Variants in EPS15 observed in about 807,000 individuals in gnomAD.
EPS15 encodes the protein epidermal growth factor receptor pathway substrate 15.
In EPS15, 72 loss-of-function variants were observed where a neutral mutation model predicts 113.8. The ratio of observed to expected loss-of-function variants is 0.63; its 90% CI spans 0.52 to 0.77. The LOEUF is 0.77. Ranked by LOEUF, EPS15 falls within the 30% of genes least tolerant of loss-of-function variation. EPS15 has a pLI of 0.00. For synonymous variants in EPS15, 344 were observed against 363.4 expected (o/e 0.95, Z 0.61); for missense variants, 1,048 against 1,045.8 (o/e 1.00, Z -0.03).
chr1:51,384,259 C>T (rs1351061543), intron 21 of EPS15, among the ~76,000 whole-genome samples: 1 of 151,352 alleles, frequency 6.6e-6, no homozygotes. Context: ...TCTCAAGGAA[C>T]CTGAATAGCC....
chr1:51,388,775 T>C (rs888309164), intron 21 of EPS15, among the ~76,000 whole-genome samples: 4 of 152,164 alleles, frequency 2.6e-5, no homozygotes, highest in Admixed American at 6.5e-5. Flanking sequence ...CAGGAAGAAG[T>C]TGACTCTCTG....
At position 51,406,114 on chromosome 1, in the gene EPS15, A is replaced by C. The variant is rs1159578251; in HGVS notation, c.1474-6T>G. The C allele has an allele frequency of 2.5e-6, 4 of 1,610,666 alleles. No homozygotes were observed. In the African/African-American group the frequency reaches 4.0e-5, roughly 16 times the overall value. ...TCCATCAGTTTCATTTGCATCTGCC[A>C]ACACAAAGAAGAAATATAGAACAGA... On this transcript the variant is annotated splice_region_variant and splice_polypyrimidine_tract_variant and intron_variant, in intron 15 of 24. Coordinates refer to ENST00000371733, the MANE Select transcript of EPS15 (RefSeq NM_001981.3).
chr1:51,382,789 CG>C (rs1205094715), intron 21 of EPS15, among the ~76,000 whole-genome samples: 1 of 152,122 alleles, frequency 6.6e-6, no homozygotes, highest in African/African-American at 2.4e-5. Flanking sequence ...CATGACTTCA[CG>C]GGTGAATTCT....
chr1:51,357,391 A>AAAATATATATATATATAT (rs1491245303), intron 24 of EPS15, among the ~76,000 whole-genome samples: 1 of 65,730 alleles, frequency 1.5e-5, no homozygotes, highest in African/African-American at 7.0e-5. Context: ...AAAAAAAAAA[A>AAAATATATATATATATAT]ATATATATAT....
At chr1:51,423,231 T>A (rs1413477741) in intron 12 of EPS15, 7 of 1,288,888 alleles carry the variant, frequency 5.4e-6, no homozygotes, top group Non-Finnish European at 7.1e-6. Flanking sequence ...GGTCGCAATG[T>A]GGGTCGCGAT....
rs956771480 is a variant in EPS15, at chr1:51,423,998, TA to T, written c.1041-2141del. Among the ~76,000 whole-genome samples the T allele has an allele frequency of 1.2e-3, 174 of 148,086 alleles. 1 individual carries two copies. The highest frequency in any genetic ancestry group is 4.1e-3 in the African/African-American group (165 of 40,614). ...TCATATCCTGAAGACCATTCCCAAC[TA>T]AAAAAAAAATATGGAGATCTTTAGG... On this transcript the variant is annotated intron_variant, in intron 12 of 24. Transcript: ENST00000371733.
intron 9 of EPS15, 120 bp downstream of exon 9, chr1:51,447,926 A>T: frequency 1.4e-6 from 2 of 1,402,742 alleles, no homozygotes; most frequent in Non-Finnish European, 1.9e-6. Context: ...AACACTGATA[A>T]ATCTATACCT....
chr1:51,464,606 C>A (rs1328778294), intron 6 of EPS15, among the ~76,000 whole-genome samples: 2 of 152,080 alleles, frequency 1.3e-5, no homozygotes, highest in Admixed American at 1.3e-4. Flanking sequence ...AGCAATATTT[C>A]TTTTTCTTGT....
intron 8 of EPS15, 35 bp from the exon 9 acceptor site, chr1:51,448,170 A>G: frequency 7.6e-7 from 1 of 1,316,194 alleles, no homozygotes; most frequent in African/African-American, 1.5e-5. Context: ...ATATATATTA[A>G]AAGCACTTAA....
chr1:51,378,710 G>A (rs1479172688), intron 21 of EPS15, among the ~76,000 whole-genome samples: 2 of 152,144 alleles, frequency 1.3e-5, no homozygotes, highest in Non-Finnish European at 2.9e-5. Context: ...GTTCTTAAAA[G>A]TTCAAAGACA....
intron 4 of EPS15, 116 bp downstream of exon 4, chr1:51,471,574 A>G: frequency 1.3e-6 from 1 of 789,036 alleles, no homozygotes; most frequent in Middle Eastern, 3.4e-4. Context: ...TGCCCTAGGC[A>G]AAACTCTAAT....
intron 21 of EPS15, chr1:51,382,221 T>A (rs373404526): frequency 6.6e-6 from 1 of 152,118 alleles, no homozygotes; most frequent in African/African-American, 2.4e-5. Flanking sequence ...ACACAAGTCA[T>A]GGAGACTGAA....
At position 51,508,338 on chromosome 1, in the gene EPS15, GAGAAAGAAAGAAAGAA is replaced by G. The variant is rs369528436; in HGVS notation, c.33+10845_33+10860del. On this transcript the variant is annotated intron_variant, in intron 1 of 24. Coordinates refer to ENST00000371733, the MANE Select transcript of EPS15 (RefSeq NM_001981.3). Reference sequence around the variant, plus strand: ...AGAGAGAAAGAGAGAAAGAGAAAGAGAGAAAGAAAGAAAGAAAGAAAGAAAGAAAGAAAGAAAGAAA... The same window carrying G: ...AGAGAGAAAGAGAGAAAGAGAAAGAGAGAAAGAAAGAAAGAAAGAAAGAAA... 7.6e-4 allele frequency among the ~76,000 whole-genome samples: 93 copies of G among 122,334 alleles called. 1 individual carries two copies. The highest frequency in any genetic ancestry group is 3.8e-3 in the Middle Eastern group (1 of 260). 80.3% of individuals were successfully genotyped at this position (122,334 alleles called of 152,430 possible).
intron 15 of EPS15, 75 bp downstream of exon 15, chr1:51,408,060 G>A (rs989844329): frequency 3.3e-5 from 42 of 1,286,878 alleles, no homozygotes; most frequent in Admixed American, 6.7e-5. Context: ...TGAAGGAGCA[G>A]AAGTTGGAAA....
chr1:51,449,679 C>T (rs576559997), intron 8 of EPS15, among the ~76,000 whole-genome samples: 5 of 151,610 alleles, frequency 3.3e-5, no homozygotes, highest in Admixed American at 1.3e-4. Context: ...CCACACCACA[C>T]GGAAGACAGA....
At chr1:51,467,151 C>A (rs566000788) in intron 5 of EPS15, among the ~76,000 whole-genome samples, 85 of 152,278 alleles carry the variant, frequency 5.6e-4, no homozygotes, top group Non-Finnish European at 1.0e-3. Context: ...CCTATCAAAC[C>A]GCAAAGATCT....
intron 4 of EPS15, among the ~76,000 whole-genome samples, chr1:51,470,197 A>T (rs1303161150): frequency 6.6e-6 from 1 of 152,234 alleles, no homozygotes; most frequent in South Asian, 2.1e-4. Flanking sequence ...GGGCAAGTTA[A>T]AACCCTTCCA....
At chr1:51,498,088 GTC>G (rs1644356537) in intron 1 of EPS15, among the ~76,000 whole-genome samples, 1 of 151,790 alleles carries the variant, frequency 6.6e-6, no homozygotes, top group South Asian at 2.1e-4. Flanking sequence ...TTTCCAACTA[GTC>G]GATAAGATAA....
chr1:51,432,811 C>T (rs1651843909), intron 12 of EPS15, among the ~76,000 whole-genome samples: 1 of 152,106 alleles, frequency 6.6e-6, no homozygotes, highest in South Asian at 2.1e-4. Context: ...ATGAATTAGG[C>T]TGCCTCCTTA....
Sources: gnomAD v4.1 joint callset for allele counts (sites outside exome capture counted in the v4.1 genomes callset) on GRCh38, gnomAD v4.1.1 for gene constraint, MANE v1.5 for transcripts, NCBI Gene and HGNC (gene_info 2026-07-23, HGNC 2026-07-21) for gene names.